The following RBMS3 variants were observed in gnomAD, a reference collection of about 807,000 sequenced individuals.
The protein encoded by RBMS3 is RNA binding motif single stranded interacting protein 3.
A neutral mutation model predicts 66.8 loss-of-function variants in RBMS3; 27 were observed. The observed-to-expected ratio is 0.40, with a 90% CI of 0.30 to 0.56. The LOEUF (loss-of-function observed/expected upper bound fraction) is 0.56, where lower values mean the gene tolerates loss of function less well. Among genes scored for constraint, RBMS3 ranks in the 20% least tolerant of loss-of-function variants. RBMS3 has a pLI of 0.40. For synonymous variants in RBMS3, 188 were observed against 183.0 expected (o/e 1.03, Z -0.22); for missense variants, 513 against 549.5 (o/e 0.93, Z 0.66).
chr3:29,783,831 T>G (rs1260516095), intron 6 of RBMS3, among the ~76,000 whole-genome samples: 1 of 151,798 alleles, frequency 6.6e-6, no homozygotes, highest in African/African-American at 2.4e-5. Context: ...TCACATAAAC[T>G]TAAGGTAAAG....
chr3:29,671,364 T>G (rs1456774101), intron 4 of RBMS3, among the ~76,000 whole-genome samples: 1 of 152,040 alleles, frequency 6.6e-6, no homozygotes, highest in East Asian at 1.9e-4. Flanking sequence ...AAAATCAGAG[T>G]GCCTCTTCTC....
At chr3:29,732,245 G>A (rs987820306) in intron 4 of RBMS3, among the ~76,000 whole-genome samples, 1 of 152,132 alleles carries the variant, frequency 6.6e-6, no homozygotes, top group African/African-American at 2.4e-5. Flanking sequence ...TTTCAGTCAC[G>A]GTCTGAAGAC....
intron 6 of RBMS3, among the ~76,000 whole-genome samples, chr3:29,785,376 A>AATTCAATGC (rs1308019655): frequency 6.6e-6 from 1 of 152,092 alleles, no homozygotes; most frequent in African/African-American, 2.4e-5. Flanking sequence ...GCAATCTAAA[A>AATTCAATGC]ATTCAATGCA....
At chr3:29,380,907 C>A (rs887924119) in intron 1 of RBMS3, among the ~76,000 whole-genome samples, 9 of 152,158 alleles carry the variant, frequency 5.9e-5, no homozygotes, top group African/African-American at 1.9e-4. Context: ...CATTTCCATT[C>A]ATGATGGATT....
intron 5 of RBMS3, among the ~76,000 whole-genome samples, chr3:29,745,812 A>G (rs2054866546): frequency 6.6e-6 from 1 of 152,054 alleles, no homozygotes; most frequent in African/African-American, 2.4e-5. Context: ...CTTCTAACAT[A>G]TGGGCAGCCC....
intron 3 of RBMS3, 52 bp downstream of exon 3, chr3:29,488,551 A>G (rs750653200): frequency 6.6e-7 from 1 of 1,507,476 alleles, no homozygotes; most frequent in East Asian, 2.3e-5. Flanking sequence ...TATCTGATTA[A>G]TGGTTCTTCC....
intron 4 of RBMS3, among the ~76,000 whole-genome samples, chr3:29,661,616 G>T (rs1471962844): frequency 6.6e-6 from 1 of 151,980 alleles, no homozygotes; most frequent in African/African-American, 2.4e-5. Flanking sequence ...GTATGTCATT[G>T]TTGGGAGTGC....
rs544942165 is a variant in RBMS3, at chr3:29,998,248, G to T, written c.1308-5608G>T. On this transcript the variant is annotated intron_variant, in intron 14 of 14. Coordinates refer to ENST00000383767, the MANE Select transcript of RBMS3 (RefSeq NM_001003793.3). ...TCTTCAAGGAGAACTACAAACCACT[G>T]CTCAATGAAATAAAAGAGGATACAA... is the stretch of plus-strand genomic sequence containing the variant. 3.0e-3 allele frequency among the ~76,000 whole-genome samples: 456 copies of T among 152,110 alleles called. 8 individuals are homozygous for T. The highest frequency in any genetic ancestry group is 0.025 in the Admixed American group (388 of 15,272).
intron 1 of RBMS3, among the ~76,000 whole-genome samples, chr3:29,362,423 G>T (rs1378624353): frequency 1.3e-5 from 2 of 152,174 alleles, no homozygotes; most frequent in African/African-American, 4.8e-5. Context: ...TGTCTCAGAG[G>T]AGTACCCGGC....
intron 2 of RBMS3, among the ~76,000 whole-genome samples, chr3:29,439,488 C>T (rs935118262): frequency 8.6e-5 from 13 of 151,738 alleles, no homozygotes; most frequent in Admixed American, 2.6e-4. Context: ...TTCTTTTTTC[C>T]GTTAAAAAGC....
intron 9 of RBMS3, 72 bp downstream of exon 9, chr3:29,897,547 C>A: frequency 7.2e-7 from 1 of 1,396,084 alleles, no homozygotes; most frequent in East Asian, 2.3e-5. Flanking sequence ...GCAAAAAGGA[C>A]ACAGTAGAAT....
chr3:29,289,913 G>C (rs2032680888), intron 1 of RBMS3, among the ~76,000 whole-genome samples: 1 of 151,818 alleles, frequency 6.6e-6, no homozygotes, highest in Non-Finnish European at 1.5e-5. Context: ...TTTTCAAGCT[G>C]AATATAGATC....
rs1389171957 is a variant in RBMS3, at chr3:29,552,088, A to G, written c.308-35026A>G. On this transcript the variant is annotated intron_variant, in intron 3 of 14. Transcript: ENST00000383767. ...AATCAGGAGTATATTTCAGGGATTA[A>G]TTGATGGAGTTCTGAAAATCAAGTT... is the stretch of plus-strand genomic sequence containing the variant. 3.9e-5 allele frequency among the ~76,000 whole-genome samples: 6 copies of G among 152,340 alleles called. No homozygotes were observed. The East Asian group carries it at 9.7e-4, about 25-fold the overall frequency.
At chr3:29,798,806 G>A (rs2057297452) in intron 6 of RBMS3, among the ~76,000 whole-genome samples, 1 of 151,918 alleles carries the variant, frequency 6.6e-6, no homozygotes, top group African/African-American at 2.4e-5. Context: ...GTCCGATATT[G>A]TTGCAACAGT....
intron 1 of RBMS3, among the ~76,000 whole-genome samples, chr3:29,355,281 C>T (rs1016894373): frequency 2.6e-5 from 4 of 152,032 alleles, no homozygotes; most frequent in Non-Finnish European, 2.9e-5. Context: ...AAAAGTTTGT[C>T]TCTATAAGAT....
At chr3:29,292,067 G>T (rs1255562827) in intron 1 of RBMS3, among the ~76,000 whole-genome samples, 1 of 151,622 alleles carries the variant, frequency 6.6e-6, no homozygotes, top group Non-Finnish European at 1.5e-5. Context: ...GCTGGAGGGC[G>T]AATTCTCTCA....
intron 1 of RBMS3, among the ~76,000 whole-genome samples, chr3:29,344,781 TC>T (rs2036479355): frequency 6.6e-6 from 1 of 152,228 alleles, no homozygotes; most frequent in East Asian, 1.9e-4. Context: ...TTTCTCTCTT[TC>T]CAAAAAGGAT....
chr3:29,957,810 C>T (rs1362255050), intron 12 of RBMS3, among the ~76,000 whole-genome samples: 2 of 152,142 alleles, frequency 1.3e-5, no homozygotes, highest in East Asian at 1.9e-4. Context: ...ATACCTCACA[C>T]GTACACCATT....
chr3:29,325,514 A>ATGTG (rs1553633558), intron 1 of RBMS3, among the ~76,000 whole-genome samples: 23 of 149,826 alleles, frequency 1.5e-4, no homozygotes, highest in South Asian at 2.1e-4. Flanking sequence ...ATATATATAT[A>ATGTG]TGTGTGTGTG....
Sources: gnomAD v4.1 joint callset for allele counts (sites outside exome capture counted in the v4.1 genomes callset) on GRCh38, gnomAD v4.1.1 for gene constraint, MANE v1.5 for transcripts, NCBI Gene and HGNC (gene_info 2026-07-23, HGNC 2026-07-21) for gene names.